Variants in MKLN1 observed in about 807,000 individuals in gnomAD.
MKLN1 encodes the protein muskelin.
Under a neutral mutation model 99.0 loss-of-function variants are expected in MKLN1, and 18 were observed. The ratio of observed to expected loss-of-function variants is 0.18; its 90% CI spans 0.13 to 0.27. The LOEUF (loss-of-function observed/expected upper bound fraction) is 0.27, where lower values mean the gene tolerates loss of function less well. MKLN1 is among the 10% of genes least tolerant of loss of function. The pLI is 1.00. For missense variants in MKLN1, 621 were observed against 875.9 expected, an observed-to-expected ratio of 0.71 and a Z score of 3.67; for synonymous variants, 288 against 293.2, an observed-to-expected ratio of 0.98 and a Z score of 0.18.
intron 3 of MKLN1, among the ~76,000 whole-genome samples, chr7:131,205,597 T>G (rs950856484): frequency 6.6e-6 from 1 of 151,872 alleles, no homozygotes; most frequent in Non-Finnish European, 1.5e-5. Flanking sequence ...TCCCAATGAG[T>G]CAGAAATCAA....
Position 131,137,582 on chromosome 7 carries a change from T to A in MKLN1, c.-418-5238T>A, listed in dbSNP as rs531917564. On this transcript the variant is annotated intron_variant, in intron 1 of 7. Coordinates refer to the MKLN1 transcript ENST00000416992. ...TTTTTTTGTTGTGTTTTGGTTTTGT[T>A]TTTGTTTTTTGAGATGGAGTCTTGC... Among the ~76,000 whole-genome samples, 3 of 152,276 alleles carry A rather than the reference T, an allele frequency of 2.0e-5. No individual in the cohort carries two copies. In the South Asian group the frequency reaches 6.2e-4, roughly 32 times the overall value.
At chr7:131,406,757 A>G (rs944695149) in intron 6 of MKLN1, among the ~76,000 whole-genome samples, 10 of 152,064 alleles carry the variant, frequency 6.6e-5, no homozygotes, top group Non-Finnish European at 1.2e-4. Context: ...AGAATTCCAG[A>G]TTGACACTTA....
At chr7:131,407,299 T>C (rs1431255136) in intron 6 of MKLN1, among the ~76,000 whole-genome samples, 2 of 152,034 alleles carry the variant, frequency 1.3e-5, no homozygotes, top group African/African-American at 4.8e-5. Context: ...TCTGTACTCA[T>C]GTTTCATAGA....
chr7:131,435,019 T>G (rs1006991539), intron 9 of MKLN1, among the ~76,000 whole-genome samples: 1 of 152,224 alleles, frequency 6.6e-6, no homozygotes, highest in African/African-American at 2.4e-5. Flanking sequence ...GTACATGTTA[T>G]CAGATTGAAA....
intron 10 of MKLN1, among the ~76,000 whole-genome samples, chr7:131,443,266 C>G (rs188378836): frequency 6.6e-6 from 1 of 152,132 alleles, no homozygotes; most frequent in African/African-American, 2.4e-5. Context: ...GCAGAAAGCT[C>G]TTTATTCCAA....
intron 3 of MKLN1, among the ~76,000 whole-genome samples, chr7:131,311,695 A>G (rs1288823140): frequency 6.6e-6 from 1 of 152,198 alleles, no homozygotes; most frequent in Non-Finnish European, 1.5e-5. Flanking sequence ...GTATTCATTC[A>G]TTTAGCCAAA....
At chr7:131,314,238 T>C (rs1044975289) in intron 3 of MKLN1, among the ~76,000 whole-genome samples, 2 of 152,164 alleles carry the variant, frequency 1.3e-5, no homozygotes, top group African/African-American at 2.4e-5. Flanking sequence ...AGTTTTGTGC[T>C]GGAAACTGTC....
At chr7:131,133,353 C>CTTTCT (rs1392075104) in intron 1 of MKLN1, among the ~76,000 whole-genome samples, 3 of 93,638 alleles carry the variant, frequency 3.2e-5, no homozygotes, top group Non-Finnish European at 2.0e-5. Flanking sequence ...TTCTTTCTTT[C>CTTTCT]TTTTTTTTTT....
rs71527998 is a variant in MKLN1 at position 131,248,074 on chromosome 7, A to ATTAT, written c.-179+45127_-179+45130dup. ...CCACCACACTCAGCTAATTACATTT[A>ATTAT]TTATTTATTTATTTATTTATTTATT... On this transcript the variant is annotated intron_variant, in intron 3 of 7. Coordinates refer to the MKLN1 transcript ENST00000416992. Among the ~76,000 whole-genome samples, 343 of 57,318 alleles carry ATTAT rather than the reference A, an allele frequency of 6.0e-3. 2 individuals are homozygous for ATTAT. Among genetic ancestry groups the ATTAT allele is most frequent in the Middle Eastern group, 0.045 (3 of 66 alleles). The allele number at this position is 57,318 out of a possible 152,430, so 37.6% of individuals were successfully genotyped here.
At chr7:131,281,284 T>C (rs1798047526) in intron 3 of MKLN1, among the ~76,000 whole-genome samples, 1 of 152,114 alleles carries the variant, frequency 6.6e-6, no homozygotes, top group Non-Finnish European at 1.5e-5. Context: ...GCAACATTTG[T>C]TGAAAAAACG....
Position 131,472,679 on chromosome 7 carries a change from G to A in MKLN1, c.2031+1735G>A, listed in dbSNP as rs913400734. The stretch of plus-strand genomic sequence containing the variant: ...TAAAACAATGCCCTTGGCTGGGCGC[G>A]GTGGCTCACGCCTGTAATCCCAGCA... On this transcript the variant is annotated intron_variant, in intron 16 of 17. Coordinates refer to ENST00000352689, the MANE Select transcript of MKLN1 (RefSeq NM_013255.5). 3.3e-5 allele frequency among the ~76,000 whole-genome samples: 5 copies of A among 151,984 alleles called. No individual in the cohort carries two copies. The East Asian group carries it at 5.8e-4, about 18-fold the overall frequency.
chr7:131,483,159 A>G (rs1289958985), intron 17 of MKLN1, among the ~76,000 whole-genome samples: 2 of 152,220 alleles, frequency 1.3e-5, no homozygotes, highest in African/African-American at 4.8e-5. Context: ...TTTAGAATCA[A>G]TATCATCACC....
At chr7:131,328,800 T>A in intron 1 of MKLN1, among the ~76,000 whole-genome samples, 1 of 152,254 alleles carries the variant, frequency 6.6e-6, no homozygotes, top group African/African-American at 2.4e-5. Context: ...GTTAAAAAAA[T>A]TCAGTTGCAT....
rs1283558725 is a variant in MKLN1 at position 131,495,409 on chromosome 7, T to C, written c.*7681T>C. 1 of 152,180 alleles carries C rather than the reference T, an allele frequency of 6.6e-6. No homozygotes were observed. The highest frequency in any genetic ancestry group is 1.5e-5 in the Non-Finnish European group (1 of 68,030). The allele number at this position is 152,180 out of a possible 1,614,324, so 9.4% of individuals were successfully genotyped here. A position where few individuals can be genotyped will look rare whatever the true frequency, so the allele number is the denominator to read the frequency against. On this transcript the variant is annotated 3_prime_UTR_variant, in exon 18 of 18. Transcript: ENST00000352689. ...GCCGAAAGTTGGAGAATGTTAAATATCTTATATGGGACTTACGATAAAATG... is the reference window on the plus strand; with the variant it reads ...GCCGAAAGTTGGAGAATGTTAAATACCTTATATGGGACTTACGATAAAATG...
chr7:131,256,256 A>C (rs937910559), intron 3 of MKLN1, among the ~76,000 whole-genome samples: 3 of 152,196 alleles, frequency 2.0e-5, no homozygotes, highest in African/African-American at 7.2e-5. Flanking sequence ...CACAGGTGAA[A>C]GAAAGGCATT....
intron 3 of MKLN1, among the ~76,000 whole-genome samples, chr7:131,275,559 ATATATATATTTTTTTTTTTTT>A (rs1310988030): frequency 6.9e-5 from 1 of 14,476 alleles, no homozygotes; most frequent in East Asian, 2.2e-3. Context: ...ATATATATAT[ATATATATATTTTTTTTTTTTT>A]TTTTTTTTTT....
At chr7:131,380,066 GC>G (rs56718727) in intron 2 of MKLN1, among the ~76,000 whole-genome samples, 152,274 of 152,274 alleles carry the variant, frequency 1, 76,137 homozygotes, top group Non-Finnish European at 1. Flanking sequence ...CTTGCTCTGG[GC>G]TGAAGACCCT....
chr7:131,339,779 C>A (rs898283786), intron 1 of MKLN1, among the ~76,000 whole-genome samples: 5 of 151,766 alleles, frequency 3.3e-5, no homozygotes, highest in Admixed American at 1.3e-4. Context: ...AAATTATTTA[C>A]CTTTTTGTTA....
At chr7:131,151,638 A>C (rs1403058859) in intron 2 of MKLN1, among the ~76,000 whole-genome samples, 1 of 152,234 alleles carries the variant, frequency 6.6e-6, no homozygotes, top group Non-Finnish European at 1.5e-5. Context: ...TATTCACTGC[A>C]TCAGAAGTGA....
Sources: allele counts gnomAD v4.1 joint callset (sites outside exome capture counted in the v4.1 genomes callset), GRCh38; gene constraint gnomAD v4.1.1; transcripts MANE v1.5; gene names NCBI Gene and HGNC (gene_info 2026-07-23, HGNC 2026-07-21).